The following PER1 variants were observed in gnomAD, a reference collection of about 807,000 sequenced individuals.
PER1 encodes the protein period circadian regulator 1.
Under a neutral mutation model 125.9 loss-of-function variants are expected in PER1, and 87 were observed. The ratio of observed to expected loss-of-function variants is 0.69; its 90% CI spans 0.58 to 0.83. The LOEUF (loss-of-function observed/expected upper bound fraction) is 0.83, where lower values mean the gene tolerates loss of function less well. Among genes scored for constraint, PER1 ranks in the 40% least tolerant of loss-of-function variants. The pLI, the probability that PER1 is intolerant of heterozygous loss-of-function variation, is 0.00. For missense variants in PER1, 1,775 were observed against 1,722.8 expected, an observed-to-expected ratio of 1.03 and a Z score of -0.54; for synonymous variants, 801 against 714.7, an observed-to-expected ratio of 1.12 and a Z score of -1.93.
chr17:8,146,264 TG>T, intron 16 of PER1, 107 bp downstream of exon 16: 1 of 1,519,298 alleles, frequency 6.6e-7, no homozygotes. Flanking sequence ...ACCAGGAGGC[TG>T]GGGAGGAGAG....
In PER1 at chr17:8,146,007, G is replaced by A. The variant is rs1379267447; in HGVS notation, c.2169C>T (p.Ser723=). 6.2e-7 allele frequency: 1 copy of A among 1,613,908 alleles called. No homozygotes were observed. Among genetic ancestry groups the A allele is most frequent in the East Asian group, 2.2e-5 (1 of 44,886 alleles). The change falls in exon 17 of 23, where the codon AGC becomes AGT. Residue 723 remains serine, a synonymous_variant. Transcript: ENST00000317276. ...ESVVSVTSQC[S]FSSTIVHVGD... ...CCACATGGACGATGGTGGAGCTGAA[G>A]CTACACTGACTGGTGACGGACACCA... is the stretch of plus-strand genomic sequence containing the variant.
chr17:8,147,864 G>C (rs564997205), intron 10 of PER1, 37 bp from the exon 11 acceptor site: 2 of 1,611,610 alleles, frequency 1.2e-6, no homozygotes, highest in South Asian at 2.2e-5. Flanking sequence ...GTCAAAGGGA[G>C]GGAGAGCTGA....
rs1284690238 is a variant in PER1, at chr17:8,143,377, C to T, written c.2961G>A (p.Leu987=). 2 of 1,613,438 alleles carry T rather than the reference C, an allele frequency of 1.2e-6. No individual in the cohort carries two copies. The highest frequency in any genetic ancestry group is 1.7e-6 in the Non-Finnish European group (2 of 1,179,706). The change falls in exon 19 of 23, where the codon CTG becomes CTA. Residue 987 remains leucine (L), a synonymous_variant. Coordinates refer to ENST00000317276, the MANE Select transcript of PER1 (RefSeq NM_002616.3). Reference sequence around the variant, plus strand: ...CAGCACGGGGGAGCTCCTCCAGCTGCAGCAGATTGAGCTGGAGTGGAGAGC... The same window carrying T: ...CAGCACGGGGGAGCTCCTCCAGCTGTAGCAGATTGAGCTGGAGTGGAGAGC... ...RCSSPLQLNL[L]QLEELPRAEG... is the part of the protein sequence containing the mutation.
At chr17:8,146,560 G>C in intron 15 of PER1, 34 bp downstream of exon 15, 1 of 1,602,134 alleles carries the variant, frequency 6.2e-7, no homozygotes, top group Non-Finnish European at 8.5e-7. Context: ...CAGGGTTAGA[G>C]CCCGAGGTGG....
Position 8,146,596 on chromosome 17 carries a change from G to C in PER1, c.1905C>G (p.Leu635=). 3.1e-6 allele frequency: 5 copies of C among 1,609,182 alleles called. No individual in the cohort carries two copies. Among genetic ancestry groups the C allele is most frequent in the Non-Finnish European group, 4.2e-6 (5 of 1,177,322 alleles). The change falls in exon 15 of 23, where the codon CTC becomes CTG. Residue 635 remains leucine, a splice_region_variant and synonymous_variant. Coordinates refer to ENST00000317276, the MANE Select transcript of PER1 (RefSeq NM_002616.3). ...AGAAGATGCCTGGCAGGCCTTACCTGAGGATGCTGTCCAGGCAGTTGATCT... is the reference window on the plus strand; with the variant it reads ...AGAAGATGCCTGGCAGGCCTTACCTCAGGATGCTGTCCAGGCAGTTGATCT... ...YQQINCLDSI[L]RYLESCNLPS... is the part of the protein sequence containing the mutation.
chr17:8,142,451 G>A lies in PER1; in HGVS notation c.3267C>T (p.Ser1089=), dbSNP rs1982142544. ...GSTSASITRS[S]QSSHTSKYFG... is the part of the protein sequence containing the mutation. ...AGTATTTGCTTGTGTGGCTGCTCTG[G>A]CTGCTGCCTGTGAAGTGGGGGGCAG... Residue 1089 remains serine (S), a synonymous_variant, in exon 21 of 23, where the codon AGC becomes AGT. Coordinates refer to ENST00000317276, the MANE Select transcript of PER1 (RefSeq NM_002616.3). 5 of 1,577,802 alleles carry A rather than the reference G, an allele frequency of 3.2e-6. No homozygotes were observed. Among genetic ancestry groups the A allele is most frequent in the Admixed American group, 3.6e-5 (2 of 55,698 alleles).
At chr17:8,141,718 TCCCCC>T in intron 22 of PER1, 82 bp downstream of exon 22, 1 of 961,496 alleles carries the variant, frequency 1.0e-6, no homozygotes, top group Non-Finnish European at 1.3e-6. Flanking sequence ...TTCTTTTTTC[TCCCCC>T]TTGAACTTGA....
At chr17:8,145,244 C>T in intron 17 of PER1, 1 of 376,852 alleles carries the variant, frequency 2.7e-6, no homozygotes, top group Non-Finnish European at 4.7e-6. Context: ...CTGCCAGGAA[C>T]TCTACTGGGA....
In PER1 at chr17:8,140,568, TC is replaced by T. The variant is rs965836825; in HGVS notation, c.*499del. 1.7e-5 allele frequency: 4 copies of T among 233,202 alleles called. No homozygotes were observed. Among genetic ancestry groups the T allele is most frequent in the Non-Finnish European group, 3.4e-5 (4 of 117,990 alleles). 14.4% of individuals were successfully genotyped at this position (233,202 alleles called of 1,614,324 possible). ...GAGGGTACAGCTGAGAACGCCTGGG[TC>T]CCACCTGAGGGGCAGCACCAGGGAC... is the stretch of plus-strand genomic sequence containing the variant. On this transcript the variant is annotated 3_prime_UTR_variant, in exon 23 of 23. Coordinates refer to ENST00000317276, the MANE Select transcript of PER1 (RefSeq NM_002616.3).
chr17:8,141,052 GGT>G lies in PER1; in HGVS notation c.*14_*15del, dbSNP rs1568022118. 6.2e-7 allele frequency: 1 copy of G among 1,600,416 alleles called. No homozygotes were observed. The highest frequency in any genetic ancestry group is 8.5e-7 in the Non-Finnish European group (1 of 1,171,088). Reference sequence around the variant, plus strand: ...AAGCCTCTCATGGACTCCTGGAGATGGTCCCAGAATGGAGTCTAGCTGGTGCA... The same window carrying G: ...AAGCCTCTCATGGACTCCTGGAGATGCCCAGAATGGAGTCTAGCTGGTGCA... On this transcript the variant is annotated 3_prime_UTR_variant, in exon 23 of 23. Coordinates refer to ENST00000317276, the MANE Select transcript of PER1 (RefSeq NM_002616.3).
Position 8,150,425 on chromosome 17 carries a change from T to G in PER1, c.275+7A>C, listed in dbSNP as rs766730430. Reference sequence around the variant, plus strand: ...TTCCTAGACCCAACATACACATCCATACACACCTCTTGCTGCTCTCAGTGG... The same window carrying G: ...TTCCTAGACCCAACATACACATCCAGACACACCTCTTGCTGCTCTCAGTGG... On this transcript the variant is annotated splice_region_variant and intron_variant, in intron 2 of 22. Transcript: ENST00000317276. 23 of 1,607,120 alleles carry G rather than the reference T, an allele frequency of 1.4e-5. No individual in the cohort carries two copies. Among genetic ancestry groups the G allele is most frequent in the Non-Finnish European group, 2.0e-5 (23 of 1,176,176 alleles).
chr17:8,145,024 A>G, intron 17 of PER1, 31 bp from the exon 18 acceptor site: 1 of 1,448,520 alleles, frequency 6.9e-7, no homozygotes, highest in African/African-American at 1.4e-5. Flanking sequence ...AAAGGTCATC[A>G]GAACCACTTC....
chr17:8,146,724 G>A lies in PER1; in HGVS notation c.1777C>T (p.Pro593Ser). The A allele has an allele frequency of 6.2e-7, 1 of 1,613,884 alleles. No individual in the cohort carries two copies. The highest frequency in any genetic ancestry group is 1.1e-5 in the South Asian group (1 of 91,076). ...FKAKALPCQS[P>S]DPELEAGSAP... ...GAACCCGCCTCCAGCTCTGGGTCTG[G>A]GGATTGGCAGGGAAGGGCCTTGGCC... The change falls in exon 15 of 23, where the codon CCA becomes TCA. Residue 593 changes from proline (P) to serine (S), a missense_variant. By Grantham distance (74) the Pro-to-Ser change is moderately conservative. Coordinates refer to ENST00000317276, the MANE Select transcript of PER1 (RefSeq NM_002616.3).
chr17:8,149,146 G>A (rs1982657065), intron 7 of PER1, 113 bp downstream of exon 7: 3 of 956,020 alleles, frequency 3.1e-6, no homozygotes, highest in Non-Finnish European at 5.0e-6. Flanking sequence ...CCGAGATCGT[G>A]CCACCGCAGT....
At chr17:8,151,326 G>A (rs1177204487) in intron 1 of PER1, among the ~76,000 whole-genome samples, 1 of 152,258 alleles carries the variant, frequency 6.6e-6, no homozygotes, top group Non-Finnish European at 1.5e-5. Context: ...GGAAACCGAC[G>A]TCAGCTGCTG....
In PER1 at chr17:8,147,772, G is replaced by A; in HGVS notation, c.1290C>T (p.Arg430=). The change falls in exon 11 of 23, where the codon CGC becomes CGT. Residue 430 remains arginine, a synonymous_variant. Coordinates refer to ENST00000317276, the MANE Select transcript of PER1 (RefSeq NM_002616.3). ...FDHSPIRFCA[R]NGEYVTMDTS... ...TGTCCATGGTGACATACTCCCCGTT[G>A]CGGGCACAGAAGCGGATAGGGGAGT... 1 of 1,614,088 alleles carries A rather than the reference G, an allele frequency of 6.2e-7. No individual in the cohort carries two copies. The highest frequency in any genetic ancestry group is 8.5e-7 in the Non-Finnish European group (1 of 1,180,004).
rs761628756 is a variant in PER1, at chr17:8,148,215, T to A, written c.1093A>T (p.Thr365Ser). ...ACATCCTGGAAGAGGCAGCTGGGTG[T>A]GTGCCGCGTAGTGAAAATCCTCTTG... ...PDKRIFTTRH[T>S]PSCLFQDVDE... Residue 365 changes from threonine to serine, a missense_variant, in exon 9 of 23, where the codon ACA becomes TCA. By Grantham distance (58) the Thr-to-Ser change is moderately conservative (BLOSUM62 1). Coordinates refer to ENST00000317276, the MANE Select transcript of PER1 (RefSeq NM_002616.3). The A allele has an allele frequency of 1.4e-5, 23 of 1,613,996 alleles. No individual in the cohort carries two copies. The highest frequency in any genetic ancestry group is 1.8e-5 in the Non-Finnish European group (21 of 1,180,008).
chr17:8,144,068 G>T, intron 18 of PER1, 192 bp from the exon 19 acceptor site: 1 of 846,392 alleles, frequency 1.2e-6, no homozygotes, highest in Non-Finnish European at 1.7e-6. Context: ...AGGGACAAGG[G>T]GATTTATTGA....
rs754126560 is a variant in PER1 at position 8,150,316 on chromosome 17, T to C, written c.277A>G (p.Thr93Ala). 6.5e-7 allele frequency: 1 copy of C among 1,550,220 alleles called. No homozygotes were observed. Among genetic ancestry groups the C allele is most frequent in the South Asian group, 1.2e-5 (1 of 81,442 alleles). Residue 93 changes from threonine (T) to alanine (A), a missense_variant and splice_region_variant, in exon 3 of 23, where the codon ACA becomes GCA. Coordinates refer to ENST00000317276, the MANE Select transcript of PER1 (RefSeq NM_002616.3). ...LLETTESSKS[T>A]NSQSPSPPSS... is the part of the protein sequence containing the mutation. Reference sequence around the variant, plus strand: ...GGTGGGGATGGGCTCTGAGAGTTTGTGCTAGGAGACAGCAACAGGCCCAGT... The same window carrying C: ...GGTGGGGATGGGCTCTGAGAGTTTGCGCTAGGAGACAGCAACAGGCCCAGT...
Sources: gnomAD v4.1 joint callset for allele counts (sites outside exome capture counted in the v4.1 genomes callset) on GRCh38, gnomAD v4.1.1 for gene constraint, MANE v1.5 for transcripts, NCBI Gene and HGNC (gene_info 2026-07-23, HGNC 2026-07-21) for gene names.